The following CADM2 variants were observed in gnomAD, a reference collection of about 807,000 sequenced individuals.
CADM2 encodes the protein cell adhesion molecule 2.
A neutral mutation model predicts 49.8 loss-of-function variants in CADM2; 12 were observed. The ratio of observed to expected loss-of-function variants is 0.24; its 90% CI spans 0.15 to 0.39. The LOEUF is 0.39. Among genes scored for constraint, CADM2 ranks in the 10% least tolerant of loss-of-function variants. CADM2 has a pLI of 1.00. For missense variants in CADM2, 378 were observed against 492.3 expected (o/e 0.77, Z 2.20); for synonymous variants, 214 against 175.4 (o/e 1.22, Z -1.74).
intron 1 of CADM2, among the ~76,000 whole-genome samples, chr3:85,102,091 G>C (rs867017643): frequency 1.3e-5 from 2 of 152,266 alleles, no homozygotes; most frequent in South Asian, 2.1e-4. Context: ...AATAAAAAAA[G>C]TCTTATGTAG....
At chr3:85,725,201 C>T (rs551878844) in intron 1 of CADM2, among the ~76,000 whole-genome samples, 20 of 151,884 alleles carry the variant, frequency 1.3e-4, no homozygotes, top group African/African-American at 4.8e-4. Flanking sequence ...CTAGGATGTT[C>T]ATTTTAAAAT....
chr3:85,292,597 C>T (rs2106941741), intron 1 of CADM2, among the ~76,000 whole-genome samples: 1 of 152,068 alleles, frequency 6.6e-6, no homozygotes, highest in South Asian at 2.1e-4. Flanking sequence ...ATCTCTCAGA[C>T]CACAGTGCAA....
intron 1 of CADM2, among the ~76,000 whole-genome samples, chr3:85,099,760 G>A (rs552801483): frequency 2.5e-4 from 38 of 152,142 alleles, no homozygotes; most frequent in African/African-American, 7.9e-4. Context: ...ATGAGCCACC[G>A]CGCCTGGCCT....
chr3:85,663,632 C>T (rs574154745), intron 1 of CADM2, among the ~76,000 whole-genome samples: 1 of 152,162 alleles, frequency 6.6e-6, no homozygotes, highest in African/African-American at 2.4e-5. Context: ...CCTTCTGTCA[C>T]ATGGGACTGC....
intron 3 of CADM2, among the ~76,000 whole-genome samples, chr3:85,880,362 A>G (rs1712559041): frequency 6.6e-6 from 1 of 152,114 alleles, no homozygotes; most frequent in Admixed American, 6.5e-5. Flanking sequence ...ACTCAGGAGA[A>G]GGGTAGTCCA....
intron 1 of CADM2, among the ~76,000 whole-genome samples, chr3:84,970,296 A>G (rs951568672): frequency 3.3e-5 from 5 of 151,128 alleles, no homozygotes; most frequent in Non-Finnish European, 5.9e-5. Context: ...TGCATTTGAA[A>G]GATAGAGGTA....
intron 1 of CADM2, among the ~76,000 whole-genome samples, chr3:85,517,112 C>T (rs1324913831): frequency 6.6e-6 from 1 of 151,732 alleles, no homozygotes; most frequent in African/African-American, 2.4e-5. Context: ...TATAGAATCA[C>T]AATCATGGAT....
chr3:84,960,431 C>T (rs1223949554), intron 1 of CADM2: 1 of 150,958 alleles, frequency 6.6e-6, no homozygotes, highest in African/African-American at 2.4e-5. Flanking sequence ...TTAAAAGACC[C>T]AAACCCACTT....
intron 1 of CADM2, among the ~76,000 whole-genome samples, chr3:85,421,995 C>G (rs983039582): frequency 6.6e-6 from 1 of 152,140 alleles, no homozygotes; most frequent in Non-Finnish European, 1.5e-5. Flanking sequence ...CAATTTTTAT[C>G]TTCTTTATTC....
At chr3:85,069,802 C>A (rs967265835) in intron 1 of CADM2, among the ~76,000 whole-genome samples, 2 of 152,070 alleles carry the variant, frequency 1.3e-5, no homozygotes, top group East Asian at 1.9e-4. Context: ...AGACGTCATA[C>A]AAATATTACC....
At chr3:85,980,609 T>A (rs2108667745) in intron 8 of CADM2, among the ~76,000 whole-genome samples, 1 of 151,502 alleles carries the variant, frequency 6.6e-6, no homozygotes, top group South Asian at 2.1e-4. Context: ...AAAAATTATA[T>A]AAAAATGGGA....
At chr3:85,658,341 T>C (rs2107602009) in intron 1 of CADM2, among the ~76,000 whole-genome samples, 1 of 151,906 alleles carries the variant, frequency 6.6e-6, no homozygotes, top group South Asian at 2.1e-4. Flanking sequence ...CAGGTTTTTC[T>C]TCACTTCATT....
intron 1 of CADM2, among the ~76,000 whole-genome samples, chr3:85,473,220 A>G (rs2038840301): frequency 1.3e-5 from 2 of 152,064 alleles, no homozygotes; most frequent in South Asian, 4.1e-4. Context: ...AATTGTATGA[A>G]TTATTTTACT....
intron 1 of CADM2, among the ~76,000 whole-genome samples, chr3:85,169,517 A>T (rs747355014): frequency 6.6e-4 from 100 of 152,240 alleles, no homozygotes; most frequent in Non-Finnish European, 1.2e-3. Context: ...CCCATCTGTA[A>T]TCCCAGCATT....
chr3:85,937,544 A>G (rs1286256042), intron 7 of CADM2, among the ~76,000 whole-genome samples: 2 of 151,952 alleles, frequency 1.3e-5, no homozygotes, highest in African/African-American at 2.4e-5. Flanking sequence ...AACTCTTTCT[A>G]TTATGTGCTG....
chr3:85,642,811 AAGAC>A (rs1243086593), intron 1 of CADM2, among the ~76,000 whole-genome samples: 3 of 152,210 alleles, frequency 2.0e-5, no homozygotes, highest in African/African-American at 7.2e-5. Flanking sequence ...GAAAATGACA[AAGAC>A]AGAAGAAACC....
At chr3:85,951,997 G>A (rs977002344) in intron 7 of CADM2, among the ~76,000 whole-genome samples, 13 of 150,914 alleles carry the variant, frequency 8.6e-5, no homozygotes, top group African/African-American at 3.2e-4. Context: ...AAAATAGTGG[G>A]CCCCTCAGTT....
At chr3:85,971,983 A>G in intron 8 of CADM2, among the ~76,000 whole-genome samples, 1 of 151,332 alleles carries the variant, frequency 6.6e-6, no homozygotes, top group East Asian at 2.0e-4. Context: ...ATGAAAAGGG[A>G]TTTATTCAAA....
At chr3:85,553,356 G>A (rs796264150) in intron 1 of CADM2, among the ~76,000 whole-genome samples, 4 of 152,026 alleles carry the variant, frequency 2.6e-5, no homozygotes, top group African/African-American at 9.7e-5. Flanking sequence ...ACAAGAAGCA[G>A]CTGAGCTTCC....
Sources: gnomAD v4.1 joint callset for allele counts (sites outside exome capture counted in the v4.1 genomes callset) on GRCh38, gnomAD v4.1.1 for gene constraint, MANE v1.5 for transcripts, NCBI Gene and HGNC (gene_info 2026-07-23, HGNC 2026-07-21) for gene names.